CCDC7: variants seen among roughly 807,000 people sequenced by gnomAD.
CCDC7 encodes the protein coiled-coil domain containing 7.
Under a neutral mutation model 196.9 loss-of-function variants are expected in CCDC7, and 183 were observed. The ratio of observed to expected loss-of-function variants is 0.93; its 90% CI spans 0.82 to 1.05. The LOEUF (loss-of-function observed/expected upper bound fraction) is 1.05, where lower values mean the gene tolerates loss of function less well. Ranked by LOEUF, CCDC7 falls within the 50% of genes least tolerant of loss-of-function variation. CCDC7 has a pLI of 0.00. For synonymous variants in CCDC7, 525 were observed against 484.6 expected (o/e 1.08, Z -1.10); for missense variants, 1,540 against 1,482.2 (o/e 1.04, Z -0.64).
At chr10:32,563,179 GCT>G (rs2136747653) in intron 13 of CCDC7, among the ~76,000 whole-genome samples, 1 of 152,180 alleles carries the variant, frequency 6.6e-6, no homozygotes, top group Non-Finnish European at 1.5e-5. Flanking sequence ...AACATTCCAT[GCT>G]CATGGGTAGG....
At chr10:32,648,337 T>C (rs561052471) in intron 20 of CCDC7, among the ~76,000 whole-genome samples, 2 of 152,330 alleles carry the variant, frequency 1.3e-5, no homozygotes, top group East Asian at 3.9e-4. Context: ...ATATAAGTTT[T>C]AGAATAGTTT....
At chr10:32,554,152 C>T (rs562427619) in intron 13 of CCDC7, among the ~76,000 whole-genome samples, 33 of 152,294 alleles carry the variant, frequency 2.2e-4, no homozygotes, top group African/African-American at 7.2e-4. Flanking sequence ...ATGAAGGGCC[C>T]GTGTTGCTCC....
intron 25 of CCDC7, among the ~76,000 whole-genome samples, 186 bp downstream of exon 26, chr10:32,711,916 C>T (rs1474163861): frequency 6.6e-6 from 1 of 151,250 alleles, no homozygotes; most frequent in African/African-American, 2.4e-5. Context: ...AATTTCTTGT[C>T]GTAATATTAT....
intron 33 of CCDC7, among the ~76,000 whole-genome samples, chr10:32,840,693 A>G (rs372555705): frequency 1.8e-4 from 27 of 152,034 alleles, no homozygotes; most frequent in African/African-American, 6.5e-4. Flanking sequence ...AGGGAAGGAC[A>G]TAACAAAAAA....
At chr10:32,645,327 T>C (rs1171463626) in intron 20 of CCDC7, among the ~76,000 whole-genome samples, 1 of 149,760 alleles carries the variant, frequency 6.7e-6, no homozygotes, top group Admixed American at 6.6e-5. Context: ...GTCACATTTA[T>C]TTGTTTGTGG....
intron 20 of CCDC7, among the ~76,000 whole-genome samples, chr10:32,659,897 A>G (rs1484722297): frequency 6.6e-6 from 1 of 152,198 alleles, no homozygotes; most frequent in Non-Finnish European, 1.5e-5. Flanking sequence ...TAGTTCAACC[A>G]TTGTGGAAGA....
chr10:32,586,329 G>A (rs187248197), intron 18 of CCDC7, among the ~76,000 whole-genome samples: 14 of 152,282 alleles, frequency 9.2e-5, no homozygotes, highest in African/African-American at 3.4e-4. Flanking sequence ...TAGGCTGCTT[G>A]TTCACTCTGA....
At chr10:32,689,718 A>C (rs1472547164) in intron 23 of CCDC7, among the ~76,000 whole-genome samples, 1 of 151,046 alleles carries the variant, frequency 6.6e-6, no homozygotes, top group Non-Finnish European at 1.5e-5. Flanking sequence ...TTATCGAAAC[A>C]GTTCCAGTAA....
chr10:32,538,059 T>C (rs986804781), intron 11 of CCDC7, among the ~76,000 whole-genome samples: 1 of 152,196 alleles, frequency 6.6e-6, no homozygotes, highest in Non-Finnish European at 1.5e-5. Flanking sequence ...AGGAATAGCA[T>C]TGAATCTTTA....
At chr10:32,494,868 T>C (rs543986431) in intron 9 of CCDC7, among the ~76,000 whole-genome samples, 5 of 152,290 alleles carry the variant, frequency 3.3e-5, no homozygotes, top group African/African-American at 1.2e-4. Context: ...TGTGCATGTG[T>C]TTTTATAGTA....
intron 28 of CCDC7, among the ~76,000 whole-genome samples, chr10:32,768,203 T>C (rs1221377227): frequency 1.3e-5 from 2 of 152,156 alleles, no homozygotes; most frequent in Non-Finnish European, 2.9e-5. Flanking sequence ...CATTAATTCC[T>C]TTCTTTCATC....
chr10:32,655,788 C>A (rs921796783), intron 20 of CCDC7, among the ~76,000 whole-genome samples: 1 of 152,178 alleles, frequency 6.6e-6, no homozygotes, highest in Non-Finnish European at 1.5e-5. Context: ...CTCAAGTGAG[C>A]CACCTACCTT....
At chr10:32,638,838 C>T (rs111815263) in intron 20 of CCDC7, among the ~76,000 whole-genome samples, 26 of 152,076 alleles carry the variant, frequency 1.7e-4, no homozygotes, top group African/African-American at 6.0e-4. Flanking sequence ...TGGTAGAATT[C>T]GGCTGTGAAT....
chr10:32,462,548 C>A, intron 3 of CCDC7, 135 bp from the exon 5 acceptor site: 1 of 668,308 alleles, frequency 1.5e-6, no homozygotes. Flanking sequence ...GTTTCAACTA[C>A]AGATTTATAA....
At chr10:32,799,432 T>C (rs1288460782) in intron 29 of CCDC7, among the ~76,000 whole-genome samples, 1 of 152,178 alleles carries the variant, frequency 6.6e-6, no homozygotes, top group Non-Finnish European at 1.5e-5. Context: ...CAGAGCCTTC[T>C]CCTGTTCTGG....
chr10:32,651,036 C>T (rs1330451561), intron 20 of CCDC7, among the ~76,000 whole-genome samples: 5 of 152,048 alleles, frequency 3.3e-5, no homozygotes, highest in Non-Finnish European at 7.4e-5. Context: ...ACAGGTAGCC[C>T]TGGGAGTGGA....
exon 34 of CCDC7, chr10:32,845,261 T>C (rs2093215889): frequency 1.3e-6 from 2 of 1,569,518 alleles, no homozygotes; most frequent in East Asian, 2.3e-5. Flanking sequence ...AAGGAACACT[T>C]AGCAGATGAT....
At chr10:32,676,414 C>T (rs1486086209) in intron 21 of CCDC7, among the ~76,000 whole-genome samples, 2 of 151,362 alleles carry the variant, frequency 1.3e-5, no homozygotes, top group Non-Finnish European at 3.0e-5. Context: ...AAAGAAACTA[C>T]CATCAGAGTG....
intron 32 of CCDC7, among the ~76,000 whole-genome samples, chr10:32,834,308 G>A (rs1401422372): frequency 3.3e-5 from 5 of 152,136 alleles, no homozygotes; most frequent in African/African-American, 1.2e-4. Flanking sequence ...CTCCCTGATG[G>A]TTAACTTTCT....
Sources: gnomAD v4.1 joint callset for allele counts (sites outside exome capture counted in the v4.1 genomes callset) on GRCh38, gnomAD v4.1.1 for gene constraint, MANE v1.5 for transcripts, NCBI Gene and HGNC (gene_info 2026-07-23, HGNC 2026-07-21) for gene names.